ANO4: variants seen among roughly 807,000 people sequenced by gnomAD.
The protein encoded by ANO4 is anoctamin-4.
ANO4 carries 69 observed loss-of-function variants against 141.9 expected under a neutral mutation model. The observed-to-expected ratio is 0.49, with a 90% CI of 0.40 to 0.59. The LOEUF is 0.59. ANO4 is among the 20% of genes least tolerant of loss of function. ANO4 has a pLI of 0.00. For synonymous variants in ANO4, 350 were observed against 394.3 expected (o/e 0.89, Z 1.33); for missense variants, 894 against 1,162.2 (o/e 0.77, Z 3.36).
intron 1 of ANO4, among the ~76,000 whole-genome samples, chr12:100,814,268 T>C (rs991817609): frequency 1.5e-4 from 23 of 152,152 alleles, no homozygotes; most frequent in African/African-American, 4.8e-4. Flanking sequence ...ATTTCAAGTA[T>C]AGAATTCAAT....
In ANO4 at chr12:100,971,415, A is replaced by G. The variant is rs1231821132; in HGVS notation, c.557+9A>G. 1 of 1,564,952 alleles carries G rather than the reference A, an allele frequency of 6.4e-7. No individual in the cohort carries two copies. Among genetic ancestry groups the G allele is most frequent in the Non-Finnish European group, 8.8e-7 (1 of 1,137,746 alleles). On this transcript the variant is annotated intron_variant, in intron 6 of 27. Transcript: ENST00000392977. The stretch of plus-strand genomic sequence containing the variant: ...GTAAGAATGCCTTTCAGGTAGGTGG[A>G]AATGTATTTTATTCCACTCTCTCTG...
intron 3 of ANO4, among the ~76,000 whole-genome samples, chr12:100,743,302 A>G (rs1334093218): frequency 6.6e-6 from 1 of 151,064 alleles, no homozygotes; most frequent in African/African-American, 2.4e-5. Flanking sequence ...TAGTACAAAT[A>G]CACTGAATGC....
rs777811563 is a variant in ANO4, at chr12:101,128,489, T to C, written c.*633T>C. The stretch of plus-strand genomic sequence containing the variant: ...CAAATACAGAGATATATAAAGTACA[T>C]AGAAATTCCTTACTTGTAAATAGCC... On this transcript the variant is annotated 3_prime_UTR_variant, in exon 28 of 28. Coordinates refer to ENST00000392977, the MANE Select transcript of ANO4 (RefSeq NM_001286615.2). 5 of 152,630 alleles carry C rather than the reference T, an allele frequency of 3.3e-5. No homozygotes were observed. Among genetic ancestry groups the C allele is most frequent in the Non-Finnish European group, 7.3e-5 (5 of 68,046 alleles). The allele number at this position is 152,630 out of a possible 1,614,324, so 9.5% of individuals were successfully genotyped here.
intron 8 of ANO4, among the ~76,000 whole-genome samples, chr12:101,008,635 T>C (rs2136435516): frequency 6.6e-6 from 1 of 152,314 alleles, no homozygotes; most frequent in Non-Finnish European, 1.5e-5. Context: ...CTATTTTTGC[T>C]TGAACTGGAG....
intron 3 of ANO4, among the ~76,000 whole-genome samples, chr12:100,751,072 A>G (rs899464903): frequency 2.0e-5 from 3 of 152,190 alleles, no homozygotes; most frequent in East Asian, 1.9e-4. Flanking sequence ...TTGTCCCACA[A>G]CAAAGCTATT....
chr12:101,017,341 C>T (rs543866029), intron 8 of ANO4, among the ~76,000 whole-genome samples: 12 of 152,232 alleles, frequency 7.9e-5, no homozygotes, highest in East Asian at 5.8e-4. Flanking sequence ...CCCCATGATT[C>T]GATTACCTCC....
At chr12:101,032,445 A>G (rs988323582) in intron 9 of ANO4, among the ~76,000 whole-genome samples, 1 of 152,212 alleles carries the variant, frequency 6.6e-6, no homozygotes, top group African/African-American at 2.4e-5. Context: ...AGCAATGGCA[A>G]CAAAAGCCAC....
At chr12:100,788,283 A>G (rs1593332150) in intron 3 of ANO4, among the ~76,000 whole-genome samples, 2 of 152,338 alleles carry the variant, frequency 1.3e-5, no homozygotes, top group African/African-American at 2.4e-5. Context: ...CGATTTTAAC[A>G]TAAAATAAGA....
intron 8 of ANO4, among the ~76,000 whole-genome samples, chr12:100,998,132 T>G (rs1241957731): frequency 6.6e-6 from 1 of 152,126 alleles, no homozygotes; most frequent in African/African-American, 2.4e-5. Flanking sequence ...CCACCCTTAA[T>G]CTGGGTGGGC....
intron 17 of ANO4, among the ~76,000 whole-genome samples, chr12:101,090,355 C>T (rs1213983317): frequency 6.6e-6 from 1 of 152,220 alleles, no homozygotes; most frequent in African/African-American, 2.4e-5. Flanking sequence ...ACCCAAATCT[C>T]CATCAATGGT....
At chr12:101,119,330 C>T (rs2050986781) in intron 25 of ANO4, among the ~76,000 whole-genome samples, 1 of 152,022 alleles carries the variant, frequency 6.6e-6, no homozygotes, top group South Asian at 2.1e-4. Flanking sequence ...CATTTTTGTG[C>T]ACACCTGTAG....
intron 23 of ANO4, 66 bp from the exon 24 acceptor site, chr12:101,111,497 C>A: frequency 7.2e-7 from 1 of 1,386,074 alleles, no homozygotes; most frequent in Non-Finnish European, 9.6e-7. Context: ...AAAATTAATT[C>A]CATTTTTTCA....
intron 14 of ANO4, among the ~76,000 whole-genome samples, chr12:101,064,337 T>A (rs965705596): frequency 6.6e-6 from 1 of 152,270 alleles, no homozygotes; most frequent in Admixed American, 6.5e-5. Context: ...CACTTGCTGT[T>A]AGTTTCTAAC....
intron 1 of ANO4, among the ~76,000 whole-genome samples, chr12:100,820,348 G>T (rs1305941884): frequency 3.9e-5 from 2 of 51,604 alleles, no homozygotes; most frequent in African/African-American, 1.6e-4. Context: ...CAAGAAAGTC[G>T]GTTTCTCAAA....
chr12:100,763,869 G>A (rs746473706), intron 3 of ANO4, among the ~76,000 whole-genome samples: 1 of 152,154 alleles, frequency 6.6e-6, no homozygotes, highest in South Asian at 2.1e-4. Context: ...CACATGGAGA[G>A]CTTGTTTTCT....
intron 5 of ANO4, among the ~76,000 whole-genome samples, chr12:100,970,626 G>C (rs958308466): frequency 6.6e-6 from 1 of 150,870 alleles, no homozygotes; most frequent in African/African-American, 2.4e-5. Context: ...TATTATCTGA[G>C]TCTTCCCTCC....
intron 1 of ANO4, among the ~76,000 whole-genome samples, chr12:100,801,294 T>G (rs1265515888): frequency 6.6e-6 from 1 of 152,110 alleles, no homozygotes; most frequent in South Asian, 2.1e-4. Flanking sequence ...ATGTGGAGAG[T>G]TTAATTTTTC....
chr12:100,853,389 T>C (rs1330453756), intron 1 of ANO4, among the ~76,000 whole-genome samples: 1 of 152,164 alleles, frequency 6.6e-6, no homozygotes, highest in South Asian at 2.1e-4. Context: ...TATTTTCTAA[T>C]ATAATGTTCT....
rs141899870 is a variant in ANO4 at position 101,082,747 on chromosome 12, A to G, written c.1396-931A>G. On this transcript the variant is annotated intron_variant, in intron 15 of 27. Coordinates refer to ENST00000392977, the MANE Select transcript of ANO4 (RefSeq NM_001286615.2). The stretch of plus-strand genomic sequence containing the variant: ...TGCTGCCAAACTGGGCTCTCTCTCC[A>G]TGACCTCTCTTCTGTCAGCTCGTTC... 5.6e-3 allele frequency among the ~76,000 whole-genome samples: 843 copies of G among 151,646 alleles called. 2 individuals carry two copies. Among genetic ancestry groups the G allele is most frequent in the Middle Eastern group, 0.01 (3 of 294 alleles).
Sources: allele counts gnomAD v4.1 joint callset (sites outside exome capture counted in the v4.1 genomes callset), GRCh38; gene constraint gnomAD v4.1.1; transcripts MANE v1.5; gene names NCBI Gene and HGNC (gene_info 2026-07-23, HGNC 2026-07-21).